CDKAL1: variants seen among roughly 807,000 people sequenced by gnomAD.
CDKAL1 encodes the protein CDKAL1 threonylcarbamoyladenosine tRNA methylthiotransferase.
In CDKAL1, 32 loss-of-function variants were observed where a neutral mutation model predicts 68.2. The ratio of observed to expected loss-of-function variants is 0.47; its 90% CI spans 0.35 to 0.63. The LOEUF is 0.63. Among genes scored for constraint, CDKAL1 ranks in the 30% least tolerant of loss-of-function variants. The pLI, the probability that CDKAL1 is intolerant of heterozygous loss-of-function variation, is 0.00. For missense variants in CDKAL1, 606 were observed against 696.7 expected (o/e 0.87, Z 1.47); for synonymous variants, 234 against 244.3 (o/e 0.96, Z 0.39).
chr6:20,854,445 A>G (rs923109083), intron 9 of CDKAL1, among the ~76,000 whole-genome samples: 1 of 152,240 alleles, frequency 6.6e-6, no homozygotes, highest in African/African-American at 2.4e-5. Context: ...TTGAGCATTC[A>G]TTAGAAGCAG....
intron 5 of CDKAL1, chr6:20,722,669 C>T (rs561598442): frequency 5.4e-5 from 9 of 166,682 alleles, no homozygotes; most frequent in East Asian, 1.8e-4. Context: ...GCCTGAAACC[C>T]GCAGCCCAAA....
At chr6:20,801,508 A>G (rs925147940) in intron 8 of CDKAL1, among the ~76,000 whole-genome samples, 4 of 152,098 alleles carry the variant, frequency 2.6e-5, no homozygotes, top group African/African-American at 4.8e-5. Flanking sequence ...TATTTTTTTA[A>G]CATGTTTCAA....
At chr6:21,050,458 C>T (rs1185443918) in intron 11 of CDKAL1, among the ~76,000 whole-genome samples, 8 of 152,190 alleles carry the variant, frequency 5.3e-5, no homozygotes, top group South Asian at 2.1e-4. Flanking sequence ...GTGAGGAAGG[C>T]GGAGAGAAGT....
intron 11 of CDKAL1, among the ~76,000 whole-genome samples, chr6:21,028,229 A>G (rs1482233539): frequency 2.0e-5 from 3 of 152,190 alleles, no homozygotes; most frequent in African/African-American, 2.4e-5. Context: ...TGCATTTTCA[A>G]CAATAGTAAT....
At chr6:20,806,465 T>G (rs9465898) in intron 8 of CDKAL1, among the ~76,000 whole-genome samples, 43,338 of 152,068 alleles carry the variant, frequency 0.28, 6,700 homozygotes, top group East Asian at 0.53. Flanking sequence ...GGTAAAACAA[T>G]TTATATTCCT....
chr6:21,014,427 C>G (rs1487264218), intron 11 of CDKAL1, among the ~76,000 whole-genome samples: 2 of 151,950 alleles, frequency 1.3e-5, no homozygotes, highest in Admixed American at 6.6e-5. Context: ...CATGGTGAAC[C>G]CTGTCTCTAC....
chr6:20,742,376 A>ATAACT (rs61550287), intron 6 of CDKAL1, among the ~76,000 whole-genome samples: 127,531 of 151,576 alleles, frequency 0.84, 53,684 homozygotes, highest in East Asian at 0.88. Flanking sequence ...AATTGGAGAA[A>ATAACT]TAAGAACACA....
chr6:20,918,603 T>C (rs1263508138), intron 9 of CDKAL1, among the ~76,000 whole-genome samples: 2 of 152,212 alleles, frequency 1.3e-5, no homozygotes, highest in African/African-American at 2.4e-5. Context: ...TCTACCTAGA[T>C]GTAAGGACTG....
intron 9 of CDKAL1, among the ~76,000 whole-genome samples, chr6:20,851,866 G>C (rs1026098644): frequency 1.3e-5 from 2 of 151,792 alleles, no homozygotes; most frequent in Non-Finnish European, 2.9e-5. Context: ...TATTGTATAA[G>C]CTTAAAAGTG....
At chr6:21,092,992 G>A (rs1773123373) in intron 12 of CDKAL1, among the ~76,000 whole-genome samples, 1 of 151,908 alleles carries the variant, frequency 6.6e-6, no homozygotes, top group Non-Finnish European at 1.5e-5. Context: ...GAACAAATCT[G>A]GGAAGGGTCC....
chr6:21,101,453 A>G (rs1773572796), intron 12 of CDKAL1, among the ~76,000 whole-genome samples: 1 of 152,190 alleles, frequency 6.6e-6, no homozygotes, highest in Admixed American at 6.5e-5. Context: ...TAGCGTCTTC[A>G]TTTTATATAG....
At chr6:21,005,511 G>A (rs1032694021) in intron 11 of CDKAL1, among the ~76,000 whole-genome samples, 1 of 152,130 alleles carries the variant, frequency 6.6e-6, no homozygotes, top group Non-Finnish European at 1.5e-5. Context: ...TTTAGTTTAT[G>A]TTAACTAGAC....
chr6:21,159,730 C>T (rs890402805), intron 13 of CDKAL1, among the ~76,000 whole-genome samples: 1 of 152,234 alleles, frequency 6.6e-6, no homozygotes, highest in Non-Finnish European at 1.5e-5. Flanking sequence ...AACAGCGACA[C>T]CTAATTCACT....
At chr6:20,958,241 G>T (rs1764884495) in intron 10 of CDKAL1, among the ~76,000 whole-genome samples, 1 of 152,042 alleles carries the variant, frequency 6.6e-6, no homozygotes, top group Admixed American at 6.6e-5. Flanking sequence ...AGATATGCAA[G>T]AATCAAAGGT....
intron 9 of CDKAL1, among the ~76,000 whole-genome samples, chr6:20,851,327 G>T (rs573858002): frequency 3.9e-5 from 6 of 152,318 alleles, no homozygotes; most frequent in African/African-American, 1.2e-4. Flanking sequence ...GTTGGGGCCA[G>T]AATGAATTTA....
intron 9 of CDKAL1, among the ~76,000 whole-genome samples, chr6:20,944,638 C>T (rs1460316508): frequency 1.3e-5 from 2 of 152,238 alleles, no homozygotes; most frequent in Non-Finnish European, 2.9e-5. Context: ...GGCCACTGTG[C>T]CTGGCCTGTC....
intron 9 of CDKAL1, among the ~76,000 whole-genome samples, chr6:20,891,143 C>G (rs1198610446): frequency 6.6e-6 from 1 of 152,196 alleles, no homozygotes; most frequent in South Asian, 2.1e-4. Flanking sequence ...CAGTGATTTA[C>G]ATGGCTACCG....
chr6:20,914,432 T>A (rs1762627826), intron 9 of CDKAL1, among the ~76,000 whole-genome samples: 1 of 152,242 alleles, frequency 6.6e-6, no homozygotes, highest in Non-Finnish European at 1.5e-5. Context: ...TTATGGTTTT[T>A]TTTTCATGAG....
At chr6:20,871,342 A>AAT (rs1170505360) in intron 9 of CDKAL1, among the ~76,000 whole-genome samples, 1 of 152,228 alleles carries the variant, frequency 6.6e-6, no homozygotes, top group African/African-American at 2.4e-5. Flanking sequence ...AAATAATTGT[A>AAT]ATATGATATG....
Sources: gnomAD v4.1 joint callset for allele counts (sites outside exome capture counted in the v4.1 genomes callset) on GRCh38, gnomAD v4.1.1 for gene constraint, MANE v1.5 for transcripts, NCBI Gene and HGNC (gene_info 2026-07-23, HGNC 2026-07-21) for gene names.